Variants in TMTC2 observed in about 807,000 individuals in gnomAD.
The protein encoded by TMTC2 is transmembrane O-mannosyltransferase targeting cadherins 2.
A neutral mutation model predicts 82.4 loss-of-function variants in TMTC2; 43 were observed. The ratio of observed to expected loss-of-function variants is 0.52; its 90% confidence interval spans 0.41 to 0.67. The LOEUF is 0.67. Ranked by LOEUF, TMTC2 falls within the 30% of genes least tolerant of loss-of-function variation. The pLI is 0.00. For synonymous variants in TMTC2, 408 were observed against 381.9 expected, an observed-to-expected ratio of 1.07 and a Z score of -0.80; for missense variants, 919 against 1,012.4, an observed-to-expected ratio of 0.91 and a Z score of 1.25.
chr12:82,915,240 GTGGTTAT>G (rs1427542401), intron 3 of TMTC2, among the ~76,000 whole-genome samples: 1 of 152,150 alleles, frequency 6.6e-6, no homozygotes, highest in Non-Finnish European at 1.5e-5. Flanking sequence ...CTCATTTATA[GTGGTTAT>G]TGTTCCTCCT....
chr12:82,786,584 G>A (rs1198744009), intron 1 of TMTC2, among the ~76,000 whole-genome samples: 2 of 152,070 alleles, frequency 1.3e-5, no homozygotes, highest in Non-Finnish European at 2.9e-5. Context: ...ATGAGCATCT[G>A]CCATTATTTT....
intron 9 of TMTC2, among the ~76,000 whole-genome samples, chr12:83,050,330 T>C (rs756352442): frequency 1.6e-4 from 12 of 74,010 alleles, no homozygotes; most frequent in Non-Finnish European, 3.6e-4. Flanking sequence ...TAGCATTATA[T>C]AATAATTTTT....
chr12:83,007,704 C>A (rs938637876), intron 8 of TMTC2, among the ~76,000 whole-genome samples: 5 of 152,096 alleles, frequency 3.3e-5, no homozygotes, highest in Non-Finnish European at 5.9e-5. Context: ...TATTTACCTT[C>A]ATTTATTCTT....
At chr12:82,876,115 G>GTGGTGGTGGTGA (rs1813151859) in intron 2 of TMTC2, among the ~76,000 whole-genome samples, 2 of 146,718 alleles carry the variant, frequency 1.4e-5, no homozygotes, top group African/African-American at 5.1e-5. Context: ...GGTGGTGGTG[G>GTGGTGGTGGTGA]TGGTGGTATT....
intron 7 of TMTC2, among the ~76,000 whole-genome samples, chr12:82,982,174 CA>C (rs1185009109): frequency 6.6e-6 from 1 of 151,656 alleles, no homozygotes; most frequent in Non-Finnish European, 1.5e-5. Context: ...TTTTATATGG[CA>C]GGCAGCTTGA....
chr12:82,862,080 T>C (rs1358962695), intron 2 of TMTC2, among the ~76,000 whole-genome samples: 1 of 152,192 alleles, frequency 6.6e-6, no homozygotes, highest in African/African-American at 2.4e-5. Context: ...TTTCTTGACC[T>C]CTCACTAAAT....
chr12:82,874,196 G>C (rs1410832210), intron 2 of TMTC2, among the ~76,000 whole-genome samples: 1 of 152,160 alleles, frequency 6.6e-6, no homozygotes, highest in Non-Finnish European at 1.5e-5. Flanking sequence ...GCTGTGAAAA[G>C]TGTGGCCATA....
intron 9 of TMTC2, among the ~76,000 whole-genome samples, chr12:83,050,235 G>A (rs1193796962): frequency 1.3e-5 from 2 of 152,068 alleles, no homozygotes; most frequent in Non-Finnish European, 2.9e-5. Flanking sequence ...TTAAAAAAGT[G>A]GCCTATTGTC....
At chr12:82,994,505 A>C (rs1007288068) in intron 8 of TMTC2, among the ~76,000 whole-genome samples, 1 of 152,142 alleles carries the variant, frequency 6.6e-6, no homozygotes, top group Non-Finnish European at 1.5e-5. Flanking sequence ...CATTTAATGC[A>C]ATATAAATAG....
intron 1 of TMTC2, among the ~76,000 whole-genome samples, chr12:82,823,227 C>G (rs1333357699): frequency 4.6e-5 from 7 of 151,936 alleles, no homozygotes; most frequent in Non-Finnish European, 1.0e-4. Context: ...CCATATTTAC[C>G]TTCATAATTG....
intron 2 of TMTC2, among the ~76,000 whole-genome samples, chr12:82,866,590 C>G (rs1233224594): frequency 6.6e-6 from 1 of 152,086 alleles, no homozygotes; most frequent in Non-Finnish European, 1.5e-5. Flanking sequence ...CATCACTCAG[C>G]TCAATTTTCG....
intron 4 of TMTC2, among the ~76,000 whole-genome samples, chr12:82,946,781 G>A (rs1445198600): frequency 2.1e-5 from 3 of 140,222 alleles, no homozygotes; most frequent in Non-Finnish European, 4.5e-5. Context: ...TTGCTCTGTC[G>A]CCCAGGGTGA....
intron 3 of TMTC2, among the ~76,000 whole-genome samples, chr12:82,901,824 C>T (rs1196935208): frequency 6.6e-6 from 1 of 152,118 alleles, no homozygotes; most frequent in Non-Finnish European, 1.5e-5. Context: ...TTGGTCTTCC[C>T]AGTTGTCTGT....
chr12:83,070,427 A>C (rs1592727865), intron 11 of TMTC2, among the ~76,000 whole-genome samples: 1 of 151,258 alleles, frequency 6.6e-6, no homozygotes, highest in Non-Finnish European at 1.5e-5. Flanking sequence ...ATTCCTAAGT[A>C]TTTTATTATT....
chr12:83,000,356 G>C (rs560078557), intron 8 of TMTC2, among the ~76,000 whole-genome samples: 1 of 152,084 alleles, frequency 6.6e-6, no homozygotes, highest in Non-Finnish European at 1.5e-5. Flanking sequence ...GGATGGTCTC[G>C]ATCTCCTGAG....
intron 1 of TMTC2, among the ~76,000 whole-genome samples, chr12:82,745,077 T>A (rs1875618245): frequency 6.6e-6 from 1 of 152,214 alleles, no homozygotes; most frequent in Non-Finnish European, 1.5e-5. Context: ...CCTTGTTTTA[T>A]TGCTGGAAGG....
chr12:82,815,695 C>T (rs1184286481), intron 1 of TMTC2, among the ~76,000 whole-genome samples: 4 of 151,824 alleles, frequency 2.6e-5, no homozygotes, highest in Non-Finnish European at 5.9e-5. Flanking sequence ...CAGTAAGAAG[C>T]AGGAATGAAA....
At chr12:82,974,823 G>A (rs945010233) in intron 7 of TMTC2, among the ~76,000 whole-genome samples, 1 of 152,104 alleles carries the variant, frequency 6.6e-6, no homozygotes, top group Non-Finnish European at 1.5e-5. Context: ...ACTGAGTGGC[G>A]AACCCCAGCA....
At chr12:82,825,112 A>G (rs896642863) in intron 1 of TMTC2, among the ~76,000 whole-genome samples, 1 of 151,604 alleles carries the variant, frequency 6.6e-6, no homozygotes, top group African/African-American at 2.4e-5. Flanking sequence ...AAAAAAAAAG[A>G]CATACGAGCA....
Sources: gnomAD v4.1 joint callset for allele counts (sites outside exome capture counted in the v4.1 genomes callset) on GRCh38, gnomAD v4.1.1 for gene constraint, MANE v1.5 for transcripts, NCBI Gene and HGNC (gene_info 2026-07-23, HGNC 2026-07-21) for gene names.